Variants in INVS observed in about 807,000 individuals in gnomAD.
INVS encodes the protein inversion of embryo turning homolog.
Under a neutral mutation model 108.8 loss-of-function variants are expected in INVS, and 86 were observed. The ratio of observed to expected loss-of-function variants is 0.79; its 90% CI spans 0.66 to 0.95. The LOEUF is 0.95. Ranked by LOEUF, INVS falls within the 40% of genes least tolerant of loss-of-function variation. The pLI is 0.00. For synonymous variants in INVS, 455 were observed against 473.5 expected, an observed-to-expected ratio of 0.96 and a Z score of 0.51; for missense variants, 1,169 against 1,297.4, an observed-to-expected ratio of 0.90 and a Z score of 1.52.
At chr9:100,222,867 G>A (rs1380528910) in intron 3 of INVS, among the ~76,000 whole-genome samples, 1 of 150,258 alleles carries the variant, frequency 6.7e-6, no homozygotes, top group Non-Finnish European at 1.5e-5. Flanking sequence ...GAAATTTAGA[G>A]CAGGGTGCCC....
chr9:100,182,679 G>A (rs1461465698), intron 3 of INVS, among the ~76,000 whole-genome samples: 2 of 152,162 alleles, frequency 1.3e-5, no homozygotes, highest in Non-Finnish European at 2.9e-5. Context: ...TTACACTATT[G>A]GTGGAGTGTA....
chr9:100,173,886 A>G (rs1829625396), intron 3 of INVS, among the ~76,000 whole-genome samples: 1 of 152,270 alleles, frequency 6.6e-6, no homozygotes, highest in Non-Finnish European at 1.5e-5. Context: ...CTAAGGCTAA[A>G]ATAACTCATC....
chr9:100,254,688 G>T (rs1832355312), intron 10 of INVS, among the ~76,000 whole-genome samples: 1 of 152,096 alleles, frequency 6.6e-6, no homozygotes, highest in South Asian at 2.1e-4. Flanking sequence ...TTTCCCCATT[G>T]CTTGTTTTTG....
chr9:100,292,719 C>G lies in INVS; in HGVS notation c.2462C>G (p.Ala821Gly). ...PGSARGEAVHAGQNPPHHRTP... is the reference protein window; with the variant it reads ...PGSARGEAVHGGQNPPHHRTP... ...AGTGCCCGGGGGGAGGCGGTCCATG[C>G]TGGGCAGAATCCTCCCCACCATCGT... The change falls in exon 14 of 17, where the codon GCT becomes GGT. Residue 821 changes from alanine (A) to glycine (G), a missense_variant. Coordinates refer to ENST00000262457, the MANE Select transcript of INVS (RefSeq NM_014425.5). 6.2e-7 allele frequency: 1 copy of G among 1,614,168 alleles called. No homozygotes were observed. Among genetic ancestry groups the G allele is most frequent in the Non-Finnish European group, 8.5e-7 (1 of 1,180,024 alleles).
intron 3 of INVS, among the ~76,000 whole-genome samples, chr9:100,164,118 TTTAA>T (rs1829281214): frequency 1.3e-5 from 2 of 152,228 alleles, no homozygotes; most frequent in African/African-American, 4.8e-5. Flanking sequence ...ATTTGTTTAT[TTTAA>T]TTGACAAAAA....
intron 3 of INVS, among the ~76,000 whole-genome samples, chr9:100,190,079 T>C (rs1830177239): frequency 6.6e-6 from 1 of 152,208 alleles, no homozygotes; most frequent in Non-Finnish European, 1.5e-5. Context: ...CATATATATT[T>C]AGGATTGTAA....
Position 100,293,010 on chromosome 9 carries a change from A to C in INVS, c.2753A>C (p.Lys918Thr). ...AAGGAGCTGTTTCGCAAAAAGAACAAGGCAGCAGCAGTCATCCAGCGCGCC... is the reference window on the plus strand; with the variant it reads ...AAGGAGCTGTTTCGCAAAAAGAACACGGCAGCAGCAGTCATCCAGCGCGCC... ...RRKELFRKKN[K>T]AAAVIQRAWR... The change falls in exon 14 of 17, where the codon AAG becomes ACG. Residue 918 changes from lysine (K) to threonine (T), a missense_variant. Physicochemically the swap from Lys to Thr is moderately conservative, Grantham distance 78. Coordinates refer to ENST00000262457, the MANE Select transcript of INVS (RefSeq NM_014425.5). 1 of 1,614,060 alleles carries C rather than the reference A, an allele frequency of 6.2e-7. No individual in the cohort carries two copies. Among genetic ancestry groups the C allele is most frequent in the Non-Finnish European group, 8.5e-7 (1 of 1,179,992 alleles).
chr9:100,110,774 T>C (rs749410326), intron 2 of INVS, among the ~76,000 whole-genome samples: 9 of 152,214 alleles, frequency 5.9e-5, no homozygotes, highest in Non-Finnish European at 1.2e-4. Context: ...TAGCAAGGTG[T>C]TGGGGCAAGT....
At chr9:100,174,224 G>A (rs573262214) in intron 3 of INVS, among the ~76,000 whole-genome samples, 11 of 152,274 alleles carry the variant, frequency 7.2e-5, no homozygotes, top group South Asian at 2.1e-4. Context: ...AAATATGTTC[G>A]TAATGAATAA....
chr9:100,252,201 CAA>C (rs1832257725), intron 8 of INVS, 80 bp from the exon 9 acceptor site: 1 of 1,402,522 alleles, frequency 7.1e-7, no homozygotes, highest in Non-Finnish European at 1.0e-6. Flanking sequence ...ATGGGGAAAT[CAA>C]GAGAGGAAAA....
At chr9:100,263,405 T>G (rs1270901921) in intron 10 of INVS, among the ~76,000 whole-genome samples, 1 of 152,182 alleles carries the variant, frequency 6.6e-6, no homozygotes, top group Non-Finnish European at 1.5e-5. Context: ...GATCCATTTT[T>G]TTAATTTTTT....
chr9:100,284,526 G>A lies in INVS; in HGVS notation c.1991G>A (p.Gly664Glu), dbSNP rs1375849941. The change falls in exon 13 of 17, where the codon GGG becomes GAG. Residue 664 changes from glycine to glutamate, a missense_variant. By Grantham distance (98) the Gly-to-Glu change is moderately conservative (BLOSUM62 -2). Coordinates refer to ENST00000262457, the MANE Select transcript of INVS (RefSeq NM_014425.5). ...EPRDSRGSPG[G>E]SLGGALQKEQ... Reference sequence around the variant, plus strand: ...AGAGACAGCAGAGGATCTCCAGGAGGGTCTCTAGGCGGAGCCCTCCAGAAG... The same window carrying A: ...AGAGACAGCAGAGGATCTCCAGGAGAGTCTCTAGGCGGAGCCCTCCAGAAG... 2.5e-6 allele frequency: 4 copies of A among 1,613,896 alleles called. No homozygotes were observed. Among genetic ancestry groups the A allele is most frequent in the Non-Finnish European group, 2.5e-6 (3 of 1,179,958 alleles).
intron 11 of INVS, among the ~76,000 whole-genome samples, chr9:100,266,918 G>A (rs1174215184): frequency 1.3e-5 from 2 of 148,668 alleles, no homozygotes. Flanking sequence ...GTCCATCTCA[G>A]AGGAAACATG....
intron 2 of INVS, among the ~76,000 whole-genome samples, chr9:100,118,524 T>C (rs1827623333): frequency 6.6e-6 from 1 of 151,956 alleles, no homozygotes. Context: ...TTTTGTTTTT[T>C]ATAAGCCTCC....
intron 2 of INVS, among the ~76,000 whole-genome samples, chr9:100,122,623 G>T (rs1382702795): frequency 4.8e-5 from 5 of 104,296 alleles, no homozygotes; most frequent in Non-Finnish European, 6.8e-5. Context: ...TCGCTCTGTT[G>T]CCCAGGCTGG....
At chr9:100,242,799 T>G in intron 7 of INVS, 120 bp downstream of exon 7, 1 of 657,316 alleles carries the variant, frequency 1.5e-6, no homozygotes, top group Non-Finnish European at 2.8e-6. Flanking sequence ...CTTCACCTAG[T>G]TCACTCTGTT....
chr9:100,278,864 G>A (rs1833192183), intron 12 of INVS, among the ~76,000 whole-genome samples: 1 of 152,132 alleles, frequency 6.6e-6, no homozygotes, highest in African/African-American at 2.4e-5. Flanking sequence ...CCTGAATATT[G>A]GTCATGAGAA....
At chr9:100,116,730 C>G in intron 2 of INVS, 1 of 889,774 alleles carries the variant, frequency 1.1e-6, no homozygotes, top group Non-Finnish European at 1.6e-6. Flanking sequence ...AGGCTTTATT[C>G]ACTTTATTTT....
chr9:100,288,868 C>CGTT (rs1346727033), intron 13 of INVS, among the ~76,000 whole-genome samples: 1 of 152,132 alleles, frequency 6.6e-6, no homozygotes, highest in Non-Finnish European at 1.5e-5. Flanking sequence ...TCAAGCAAAC[C>CGTT]ACCTGCCTTG....
Sources: gnomAD v4.1 joint callset for allele counts (sites outside exome capture counted in the v4.1 genomes callset) on GRCh38, gnomAD v4.1.1 for gene constraint, MANE v1.5 for transcripts, NCBI Gene and HGNC (gene_info 2026-07-23, HGNC 2026-07-21) for gene names.